The following SPAG16 variants were observed in gnomAD, a reference collection of about 807,000 sequenced individuals.
The protein encoded by SPAG16 is sperm associated antigen 16.
In SPAG16, 86 loss-of-function variants were observed where a neutral mutation model predicts 80.4. The observed-to-expected ratio is 1.07, with a 90% confidence interval of 0.90 to 1.28. The LOEUF (loss-of-function observed/expected upper bound fraction) is 1.28. Ranked by LOEUF, SPAG16 falls within the 50% of genes most tolerant of loss-of-function variation. The pLI is 0.00. For missense variants in SPAG16, 870 were observed against 765.3 expected (o/e 1.14, Z -1.61); for synonymous variants, 294 against 265.9 (o/e 1.11, Z -1.03).
At chr2:214,258,471 G>GTGTGTGTGTGTGTATATATATATATA (rs1553539128) in intron 15 of SPAG16, among the ~76,000 whole-genome samples, 7 of 141,416 alleles carry the variant, frequency 4.9e-5, no homozygotes, top group Admixed American at 1.4e-4. Context: ...ATGTGTGTGT[G>GTGTGTGTGTGTGTATATATATATATA]TATATATATA....
intron 4 of SPAG16, among the ~76,000 whole-genome samples, chr2:213,315,130 C>A (rs995406474): frequency 6.6e-6 from 1 of 151,572 alleles, no homozygotes; most frequent in African/African-American, 2.4e-5. Context: ...TTATTAATAA[C>A]CTTATTACTT....
chr2:213,956,446 C>CT lies in SPAG16; in HGVS notation c.1400+26320dup, dbSNP rs755475252. Among the ~76,000 whole-genome samples the CT allele has an allele frequency of 7.4e-3, 840 of 113,040 alleles. 11 individuals are homozygous for CT. Among genetic ancestry groups the CT allele is most frequent in the Non-Finnish European group, 0.01 (567 of 55,338 alleles). 74.2% of individuals were successfully genotyped at this position (113,040 alleles called of 152,430 possible). On this transcript the variant is annotated intron_variant, in intron 12 of 15. Transcript: ENST00000331683. ...TTGAGACTTTACTCCATTTTTTTTC[C>CT]TTTTTTTTTTTTTTTTTTTGAGGCA...
At chr2:213,836,726 C>T (rs1355386179) in intron 10 of SPAG16, among the ~76,000 whole-genome samples, 2 of 152,036 alleles carry the variant, frequency 1.3e-5, no homozygotes, top group African/African-American at 4.8e-5. Flanking sequence ...ATTCTCCTGC[C>T]TCAGCACCCA....
At chr2:213,765,594 C>CGT (rs34788311) in intron 10 of SPAG16, among the ~76,000 whole-genome samples, 50,419 of 150,178 alleles carry the variant, frequency 0.34, 8,758 homozygotes, top group African/African-American at 0.45. Flanking sequence ...CACAATGTCA[C>CGT]GTGTGTGTGT....
At chr2:214,054,354 G>A (rs2049823353) in intron 13 of SPAG16, among the ~76,000 whole-genome samples, 1 of 152,028 alleles carries the variant, frequency 6.6e-6, no homozygotes, top group African/African-American at 2.4e-5. Context: ...ATCTCCTTAT[G>A]GCTAAATATA....
chr2:213,676,513 G>A (rs1446828630), intron 10 of SPAG16, among the ~76,000 whole-genome samples: 1 of 151,958 alleles, frequency 6.6e-6, no homozygotes, highest in South Asian at 2.1e-4. Context: ...GATATTGGCT[G>A]TGGGTTTGTC....
chr2:213,781,793 G>C (rs1362358623), intron 10 of SPAG16, among the ~76,000 whole-genome samples: 1 of 152,164 alleles, frequency 6.6e-6, no homozygotes, highest in African/African-American at 2.4e-5. Flanking sequence ...TCATTGAAGA[G>C]CTTTTTCCTT....
intron 15 of SPAG16, among the ~76,000 whole-genome samples, chr2:214,322,297 T>C (rs759994164): frequency 3.3e-5 from 5 of 152,328 alleles, no homozygotes; most frequent in South Asian, 2.1e-4. Flanking sequence ...AACCAGGTGT[T>C]ACATTTTTAA....
At chr2:213,809,002 C>G (rs541388456) in intron 10 of SPAG16, among the ~76,000 whole-genome samples, 1 of 152,236 alleles carries the variant, frequency 6.6e-6, no homozygotes, top group East Asian at 1.9e-4. Flanking sequence ...ATCAGCAAGA[C>G]AAAGATGTAA....
chr2:213,435,593 T>C (rs2070582764), intron 9 of SPAG16, among the ~76,000 whole-genome samples: 1 of 152,148 alleles, frequency 6.6e-6, no homozygotes, highest in Non-Finnish European at 1.5e-5. Context: ...AGTTAATATT[T>C]AAAAAGCAAA....
In SPAG16 at chr2:213,621,451, T is replaced by C. The variant is rs140065569; in HGVS notation, c.1070+131361T>C. Among the ~76,000 whole-genome samples, 233 of 152,308 alleles carry C rather than the reference T, an allele frequency of 1.5e-3. 2 individuals carry two copies. The highest frequency in any genetic ancestry group is 5.1e-3 in the African/African-American group (214 of 41,594). On this transcript the variant is annotated intron_variant, in intron 10 of 15. Coordinates refer to ENST00000331683, the MANE Select transcript of SPAG16 (RefSeq NM_024532.5). The stretch of plus-strand genomic sequence containing the variant: ...GAGGCTACTATTGGTTTGATTAGTG[T>C]GACAAACTTCATGATGGAGTGGGAA...
intron 11 of SPAG16, among the ~76,000 whole-genome samples, chr2:213,917,248 T>C (rs1469980832): frequency 6.6e-6 from 1 of 152,244 alleles, no homozygotes; most frequent in African/African-American, 2.4e-5. Context: ...AAGATTGCCT[T>C]AGCTATTTGG....
Position 214,248,132 on chromosome 2 carries a change from AG to A in SPAG16, c.1720+98868del, listed in dbSNP as rs546676386. 8.7e-4 allele frequency among the ~76,000 whole-genome samples: 132 copies of A among 152,046 alleles called. 1 individual carries two copies. The highest frequency in any genetic ancestry group is 6.8e-3 in the Admixed American group (104 of 15,260). On this transcript the variant is annotated intron_variant, in intron 15 of 15. Transcript: ENST00000331683. Reference sequence around the variant, plus strand: ...CTAGTTCAGATATAAAAGTATATTAAGGAATTCATCCAGAACACAGAAAACA... The same window carrying A: ...CTAGTTCAGATATAAAAGTATATTAAGAATTCATCCAGAACACAGAAAACA...
intron 13 of SPAG16, among the ~76,000 whole-genome samples, chr2:214,071,326 A>G (rs2050779615): frequency 6.6e-6 from 1 of 152,162 alleles, no homozygotes; most frequent in South Asian, 2.1e-4. Flanking sequence ...TATGCTCAGC[A>G]CATTAAATAC....
chr2:213,402,464 T>G (rs1220685336), intron 9 of SPAG16, among the ~76,000 whole-genome samples: 2 of 152,166 alleles, frequency 1.3e-5, no homozygotes, highest in Non-Finnish European at 2.9e-5. Context: ...TTAGGGTACA[T>G]GTGCACAACG....
At chr2:213,379,423 G>A (rs2067052120) in intron 9 of SPAG16, among the ~76,000 whole-genome samples, 2 of 152,178 alleles carry the variant, frequency 1.3e-5, no homozygotes, top group Admixed American at 1.3e-4. Flanking sequence ...GGATGATGGG[G>A]AAACATGGTA....
rs941531519 is a variant in SPAG16, at chr2:213,783,322, A to T, written c.1071-79163A>T. The stretch of plus-strand genomic sequence containing the variant: ...CCCTAAAACTTAGAGTATAATAAAA[A>T]AAAAAAAAAAAATCTTAATGACTTA... On this transcript the variant is annotated intron_variant, in intron 10 of 15. Coordinates refer to ENST00000331683, the MANE Select transcript of SPAG16 (RefSeq NM_024532.5). Among the ~76,000 whole-genome samples the T allele has an allele frequency of 2.1e-3, 311 of 150,432 alleles. 1 individual carries two copies. The highest frequency in any genetic ancestry group is 6.1e-3 in the African/African-American group (246 of 40,208).
At chr2:213,343,624 A>G (rs1167447813) in intron 6 of SPAG16, among the ~76,000 whole-genome samples, 1 of 152,166 alleles carries the variant, frequency 6.6e-6, no homozygotes, top group African/African-American at 2.4e-5. Context: ...AGTTTTAAAG[A>G]AAATGGTGAC....
chr2:213,784,617 A>G (rs1314694795), intron 10 of SPAG16, among the ~76,000 whole-genome samples: 1 of 139,238 alleles, frequency 7.2e-6, no homozygotes. Context: ...AATGCACAGC[A>G]ATTATTTCTA....
Sources: allele counts gnomAD v4.1 joint callset (sites outside exome capture counted in the v4.1 genomes callset), GRCh38; gene constraint gnomAD v4.1.1; transcripts MANE v1.5; gene names NCBI Gene and HGNC (gene_info 2026-07-23, HGNC 2026-07-21).